Variants in CACNA2D4 observed in about 807,000 individuals in gnomAD.
CACNA2D4 encodes voltage-dependent calcium channel subunit alpha-2/delta-4.
CACNA2D4 carries 157 observed loss-of-function variants against 163.8 expected under a neutral mutation model. That is an observed-to-expected ratio of 0.96 (90% confidence interval 0.84 to 1.09). The LOEUF (loss-of-function observed/expected upper bound fraction) is 1.09, where lower values mean the gene tolerates loss of function less well. Among genes scored for constraint, CACNA2D4 ranks in the 50% least tolerant of loss-of-function variants. CACNA2D4 has a pLI of 0.00. For missense variants in CACNA2D4, 1,410 were observed against 1,479.9 expected (o/e 0.95, Z 0.78); for synonymous variants, 598 against 586.9 (o/e 1.02, Z -0.27).
At chr12:1,853,849 T>A (rs895430511) in intron 23 of CACNA2D4, 102 bp downstream of exon 23, 1 of 855,418 alleles carries the variant, frequency 1.2e-6, no homozygotes, top group Admixed American at 2.1e-5. Flanking sequence ...AGGACGTGGG[T>A]TCTCTCCTGA....
Position 1,878,166 on chromosome 12 carries a change from G to T in CACNA2D4, c.1719+149C>A, listed in dbSNP as rs1865918947. On this transcript the variant is annotated intron_variant, in intron 16 of 37. Transcript: ENST00000382722. The surrounding 1 kb of genome is among the most constrained non-coding windows in gnomAD (Gnocchi z 4.6). Reference sequence around the variant, plus strand: ...AGAATCTAAACAACTTGAAAACAGGGACCATGACTCGAATACATTTTTTTT... The same window carrying T: ...AGAATCTAAACAACTTGAAAACAGGTACCATGACTCGAATACATTTTTTTT... The T allele has an allele frequency of 5.7e-6, 5 of 875,290 alleles. No individual in the cohort carries two copies. In the South Asian group the frequency reaches 7.7e-5, roughly 13 times the overall value. The allele number at this position is 875,290 out of a possible 1,614,324, so 54.2% of individuals were successfully genotyped here. A position where few individuals can be genotyped will look rare whatever the true frequency, so the allele number is the denominator to read the frequency against.
chr12:1,855,366 T>G (rs1354523799), intron 22 of CACNA2D4, among the ~76,000 whole-genome samples: 2 of 152,160 alleles, frequency 1.3e-5, no homozygotes, highest in Non-Finnish European at 2.9e-5. Context: ...TGTGACAGGA[T>G]GACCTGCTCT....
At chr12:1,845,718 C>G (rs1416863956) in intron 24 of CACNA2D4, among the ~76,000 whole-genome samples, 1 of 152,192 alleles carries the variant, frequency 6.6e-6, no homozygotes, top group Admixed American at 6.5e-5. Context: ...CCCTTGAGCA[C>G]CCGGGTGGGC....
At chr12:1,804,349 G>A (rs1016441603) in intron 29 of CACNA2D4, among the ~76,000 whole-genome samples, 3 of 152,156 alleles carry the variant, frequency 2.0e-5, no homozygotes, top group African/African-American at 4.8e-5. Context: ...GTGCAGACAA[G>A]GCTTCTGACG....
intron 2 of CACNA2D4, 26 bp from the exon 3 acceptor site, chr12:1,913,165 CGTGCAT>C: frequency 6.7e-7 from 1 of 1,502,372 alleles, no homozygotes; most frequent in East Asian, 2.3e-5. Context: ...GGGAGAGATG[CGTGCAT>C]GTGGTTTTGT....
At chr12:1,860,295 C>A in intron 18 of CACNA2D4, 89 bp from the exon 19 acceptor site, 8 of 920,982 alleles carry the variant, frequency 8.7e-6, no homozygotes, top group Non-Finnish European at 1.4e-5. Flanking sequence ...GGGTCTTCAT[C>A]GTCACTGTAC....
At position 1,858,563 on chromosome 12, in the gene CACNA2D4, T is replaced by C. The variant is rs1055762333; in HGVS notation, c.2008+14A>G. 1 of 1,612,994 alleles carries C rather than the reference T, an allele frequency of 6.2e-7. No homozygotes were observed. The highest frequency in any genetic ancestry group is 1.3e-5 in the African/African-American group (1 of 74,892). On this transcript the variant is annotated intron_variant, in intron 20 of 37. Coordinates refer to ENST00000382722, the MANE Select transcript of CACNA2D4 (RefSeq NM_172364.5). The stretch of plus-strand genomic sequence containing the variant: ...TTCTGCTTAACTGTCCCTCAGCCCC[T>C]GGTACCGACCCACCTTCTTCCACAG...
chr12:1,796,152 C>CAGGCCCGGGCGA (rs1335800692), intron 35 of CACNA2D4, among the ~76,000 whole-genome samples: 8 of 152,206 alleles, frequency 5.3e-5, no homozygotes, highest in Non-Finnish European at 1.5e-5. Context: ...GTGGCGGGGG[C>CAGGCCCGGGCGA]AGGCCCGGGC....
intron 1 of CACNA2D4, chr12:1,915,190 C>A (rs929221129): frequency 4.1e-5 from 29 of 702,574 alleles, no homozygotes; most frequent in Non-Finnish European, 6.8e-5. Context: ...CACAAAAGAG[C>A]ACCTGTCCCT....
Position 1,884,249 on chromosome 12 carries a change from T to G in CACNA2D4, c.1345A>C (p.Asn449His). The stretch of plus-strand genomic sequence containing the variant: ...CTGCTGGCCCGGCACTCACCTTTGT[T>G]GTTGCATGCAATCCACTTCATGCGG... ...ADRMKWIACN[N>H]KGYYTQISTL... The change falls in exon 12 of 38, where the codon AAC (asparagine) becomes CAC (histidine). Residue 449 changes from asparagine to histidine, a missense_variant. By Grantham distance (68) the Asn-to-His change is moderately conservative (BLOSUM62 1). Transcript: ENST00000382722. The G allele has an allele frequency of 6.2e-7, 1 of 1,611,932 alleles. No individual in the cohort carries two copies. Among genetic ancestry groups the G allele is most frequent in the Non-Finnish European group, 8.5e-7 (1 of 1,179,254 alleles).
intron 6 of CACNA2D4, among the ~76,000 whole-genome samples, chr12:1,897,275 G>A (rs1358926651): frequency 6.6e-6 from 1 of 152,128 alleles, no homozygotes; most frequent in Admixed American, 6.6e-5. Context: ...GTGGGCACGA[G>A]CATACAATTA....
chr12:1,907,830 G>C (rs1192892940), intron 5 of CACNA2D4, 45 bp downstream of exon 5: 1 of 1,607,950 alleles, frequency 6.2e-7, no homozygotes, highest in Non-Finnish European at 8.5e-7. Context: ...GGTGTGCTAG[G>C]TGGGCGTGCC....
intron 26 of CACNA2D4, among the ~76,000 whole-genome samples, chr12:1,838,339 A>G (rs1460482267): frequency 1.3e-5 from 2 of 151,976 alleles, no homozygotes; most frequent in African/African-American, 4.8e-5. Flanking sequence ...TCGTCACCAT[A>G]CAGCCCCCAC....
chr12:1,860,076 A>G (rs1367180941), intron 19 of CACNA2D4, 69 bp downstream of exon 19: 1 of 1,323,144 alleles, frequency 7.6e-7, no homozygotes, highest in Non-Finnish European at 1.1e-6. Flanking sequence ...CAAAATTGCC[A>G]ACTAAATATG....
At chr12:1,885,624 T>C (rs1866117995) in intron 9 of CACNA2D4, among the ~76,000 whole-genome samples, 1 of 152,166 alleles carries the variant, frequency 6.6e-6, no homozygotes, top group Admixed American at 6.5e-5. Flanking sequence ...TGTCCTCCTT[T>C]CGGGGAAGCT....
chr12:1,800,330 T>C (rs1397153358), intron 32 of CACNA2D4, 56 bp downstream of exon 32: 7 of 1,585,488 alleles, frequency 4.4e-6, no homozygotes, highest in African/African-American at 1.3e-5. Context: ...AAGGACACCC[T>C]CCTAAGCCAC....
chr12:1,902,111 C>A (rs1866551536), intron 6 of CACNA2D4, among the ~76,000 whole-genome samples: 1 of 151,982 alleles, frequency 6.6e-6, no homozygotes, highest in Non-Finnish European at 1.5e-5. Flanking sequence ...AGGAAAAAAA[C>A]TGTATGATCA....
rs1266502117 is a variant in CACNA2D4 at position 1,834,614 on chromosome 12, G to A, written c.2551+6125C>T. On this transcript the variant is annotated intron_variant, in intron 26 of 37. Coordinates refer to ENST00000382722, the MANE Select transcript of CACNA2D4 (RefSeq NM_172364.5). The surrounding 1 kb of genome is among the most constrained non-coding windows in gnomAD (Gnocchi z 7.6). ...GGCCGCTGCCTATGGCTGCATCTAC[G>A]CCTCCCTCATGGCCAAGTACCACCG... 3 of 1,599,862 alleles carry A rather than the reference G, an allele frequency of 1.9e-6. No homozygotes were observed. Among genetic ancestry groups the A allele is most frequent in the Admixed American group, 1.7e-5 (1 of 59,998 alleles).
chr12:1,880,218 C>A (rs959431561), intron 13 of CACNA2D4, among the ~76,000 whole-genome samples: 2 of 152,206 alleles, frequency 1.3e-5, no homozygotes. Flanking sequence ...AGGAAACAGG[C>A]CCATCTGCGC....
Sources: gnomAD v4.1 joint callset for allele counts (sites outside exome capture counted in the v4.1 genomes callset) on GRCh38, gnomAD v4.1.1 for gene constraint, Gnocchi (gnomAD v3.1) non-coding constraint, MANE v1.5 for transcripts, NCBI Gene and HGNC (gene_info 2026-07-23, HGNC 2026-07-21) for gene names.